Variants in TMX3 observed in about 807,000 individuals in gnomAD.
TMX3 encodes thioredoxin related transmembrane protein 3.
A neutral mutation model predicts 64.4 loss-of-function variants in TMX3; 40 were observed. That is an observed-to-expected ratio of 0.62 (90% confidence interval 0.48 to 0.81). TMX3 has a LOEUF of 0.81. Among genes scored for constraint, TMX3 ranks in the 30% least tolerant of loss-of-function variants. The pLI is 0.00. For synonymous variants in TMX3, 189 were observed against 175.7 expected (o/e 1.08, Z -0.60); for missense variants, 497 against 534.5 (o/e 0.93, Z 0.69).
chr18:68,691,212 T>C (rs1337372795), intron 9 of TMX3, 83 bp downstream of exon 9: 2 of 955,836 alleles, frequency 2.1e-6, no homozygotes, highest in Admixed American at 5.4e-5. Context: ...AGTAGAAGCA[T>C]TTACATAATC....
At chr18:68,706,842 G>C (rs915041969) in intron 4 of TMX3, among the ~76,000 whole-genome samples, 1 of 152,186 alleles carries the variant, frequency 6.6e-6, no homozygotes, top group African/African-American at 2.4e-5. Flanking sequence ...TGTAATATGT[G>C]AACGGTGGTT....
intron 5 of TMX3, 29 bp downstream of exon 5, chr18:68,701,716 C>A (rs1599331227): frequency 1.9e-6 from 3 of 1,610,470 alleles, no homozygotes; most frequent in African/African-American, 1.3e-5. Flanking sequence ...AATAAAAATA[C>A]ACATATAAAC....
chr18:68,695,319 C>G (rs2145070016), intron 8 of TMX3, among the ~76,000 whole-genome samples: 1 of 152,322 alleles, frequency 6.6e-6, no homozygotes, highest in South Asian at 2.1e-4. Context: ...TTTCTTCTCA[C>G]TTTCCTTTGC....
At chr18:68,714,587 CAAGGCAAGATTTGG>C (rs1270377926) in intron 1 of TMX3, 141 of 380,586 alleles carry the variant, frequency 3.7e-4, no homozygotes, top group African/African-American at 2.8e-3. Context: ...AACCTAAAGC[CAAGGCAAGATTTGG>C]TCGTTAAGCT....
intron 2 of TMX3, among the ~76,000 whole-genome samples, chr18:68,712,455 C>G (rs527720975): frequency 6.6e-6 from 1 of 152,290 alleles, no homozygotes; most frequent in South Asian, 2.1e-4. Context: ...TGAGCCATCT[C>G]TTGTGGATCC....
chr18:68,685,224 C>T (rs1913828998), intron 10 of TMX3, among the ~76,000 whole-genome samples: 1 of 152,134 alleles, frequency 6.6e-6, no homozygotes, highest in South Asian at 2.1e-4. Context: ...ATATATATTT[C>T]ATAGAGTTAT....
rs1912805582 is a variant in TMX3 at position 68,674,962 on chromosome 18, C to T, written c.*1971G>A. On this transcript the variant is annotated 3_prime_UTR_variant, in exon 16 of 16. Coordinates refer to ENST00000299608, the MANE Select transcript of TMX3 (RefSeq NM_019022.5). The stretch of plus-strand genomic sequence containing the variant: ...TGTGGATGTTTGCATTCACACTGAG[C>T]TTTACTCTTTTTTTCCTATTAAGGT... 1 of 152,048 alleles carries T rather than the reference C, an allele frequency of 6.6e-6. No homozygotes were observed. The allele number at this position is 152,048 out of a possible 1,614,324, so 9.4% of individuals were successfully genotyped here.
chr18:68,679,011 G>T (rs1393878611), intron 15 of TMX3, among the ~76,000 whole-genome samples: 1 of 151,902 alleles, frequency 6.6e-6, no homozygotes, highest in Non-Finnish European at 1.5e-5. Flanking sequence ...AATTAACAGG[G>T]ATGTTTAAAA....
At chr18:68,697,871 T>C (rs954980835) in intron 7 of TMX3, 61 bp downstream of exon 7, 1 of 1,081,916 alleles carries the variant, frequency 9.2e-7, no homozygotes, top group Non-Finnish European at 1.4e-6. Flanking sequence ...AGTGAAGTCT[T>C]GATTATAGAG....
chr18:68,699,104 A>G (rs1237731187), intron 6 of TMX3, among the ~76,000 whole-genome samples: 1 of 152,120 alleles, frequency 6.6e-6, no homozygotes, highest in Non-Finnish European at 1.5e-5. Flanking sequence ...TTTTCACTCT[A>G]TCACATTTAT....
chr18:68,696,423 C>T (rs986616210), intron 8 of TMX3, among the ~76,000 whole-genome samples: 4 of 152,008 alleles, frequency 2.6e-5, no homozygotes, highest in Non-Finnish European at 5.9e-5. Context: ...CTGCCTGCCT[C>T]GGCCTCCCAA....
At chr18:68,709,545 C>G (rs894400918) in intron 4 of TMX3, among the ~76,000 whole-genome samples, 1 of 152,136 alleles carries the variant, frequency 6.6e-6, no homozygotes, top group Non-Finnish European at 1.5e-5. Flanking sequence ...ATTCTATTCT[C>G]TAGTACACAC....
At chr18:68,692,478 A>G (rs988775970) in intron 8 of TMX3, among the ~76,000 whole-genome samples, 5 of 152,160 alleles carry the variant, frequency 3.3e-5, no homozygotes, top group African/African-American at 1.2e-4. Flanking sequence ...AATTGTCTGA[A>G]TTCATCCTTG....
At chr18:68,692,910 A>G (rs1914661124) in intron 8 of TMX3, among the ~76,000 whole-genome samples, 1 of 152,200 alleles carries the variant, frequency 6.6e-6, no homozygotes, top group Non-Finnish European at 1.5e-5. Flanking sequence ...TATGAGGATT[A>G]AGATGGTGTC....
At chr18:68,697,036 T>C (rs1009805670) in intron 8 of TMX3, 190 bp downstream of exon 8, 14 of 420,510 alleles carry the variant, frequency 3.3e-5, no homozygotes, top group African/African-American at 2.1e-4. Flanking sequence ...TGGTATTTAT[T>C]AATAAAAAGC....
In TMX3 at chr18:68,678,032, A is replaced by T. The variant is rs537244447; in HGVS notation, c.1105-839T>A. 7.2e-5 allele frequency among the ~76,000 whole-genome samples: 11 copies of T among 152,210 alleles called. No individual in the cohort carries two copies. The East Asian group carries it at 1.9e-3, about 27-fold the overall frequency. ...GGAAAAGGGAAGGAAAGTGATCAAA[A>T]TCGATTATTTTAGTAATATTAACTG... is the stretch of plus-strand genomic sequence containing the variant. On this transcript the variant is annotated intron_variant, in intron 15 of 15. Coordinates refer to ENST00000299608, the MANE Select transcript of TMX3 (RefSeq NM_019022.5).
At chr18:68,711,580 C>G (rs1278569893) in intron 2 of TMX3, among the ~76,000 whole-genome samples, 177 bp from the exon 3 acceptor site, 1 of 152,084 alleles carries the variant, frequency 6.6e-6, no homozygotes, top group Non-Finnish European at 1.5e-5. Context: ...AAGATAAAAG[C>G]AGAGGACTGA....
At chr18:68,684,145 G>A (rs1913716147) in intron 12 of TMX3, 45 bp downstream of exon 12, 1 of 1,405,060 alleles carries the variant, frequency 7.1e-7, no homozygotes, top group South Asian at 1.2e-5. Context: ...TTACAAAATG[G>A]TATTAAACAA....
intron 9 of TMX3, among the ~76,000 whole-genome samples, chr18:68,690,416 T>C (rs1914402595): frequency 6.6e-6 from 1 of 152,192 alleles, no homozygotes. Flanking sequence ...AGTGGCTTTG[T>C]GGTGGCCTAC....
Sources: allele counts gnomAD v4.1 joint callset (sites outside exome capture counted in the v4.1 genomes callset), GRCh38; gene constraint gnomAD v4.1.1; transcripts MANE v1.5; gene names NCBI Gene and HGNC (gene_info 2026-07-23, HGNC 2026-07-21).